RNF182: variants seen among roughly 807,000 people sequenced by gnomAD.
RNF182 encodes the protein ring finger protein 182.
Under a neutral mutation model 14.4 loss-of-function variants are expected in RNF182, and 15 were observed. The ratio of observed to expected loss-of-function variants is 1.04; its 90% CI spans 0.70 to 1.60. The LOEUF (loss-of-function observed/expected upper bound fraction) is 1.60, where lower values mean the gene tolerates loss of function less well. Among genes scored for constraint, RNF182 ranks in the 40% most tolerant of loss-of-function variants. The pLI is 0.00. For synonymous variants in RNF182, 128 were observed against 122.9 expected, an observed-to-expected ratio of 1.04 and a Z score of -0.27; for missense variants, 268 against 294.8, an observed-to-expected ratio of 0.91 and a Z score of 0.67.
At chr6:13,961,943 G>T (rs1185080250) in intron 1 of RNF182, among the ~76,000 whole-genome samples, 1 of 152,024 alleles carries the variant, frequency 6.6e-6, no homozygotes. Flanking sequence ...ATTCTTTTTA[G>T]GATTTTTGAG....
chr6:13,940,712 CAT>C (rs1488207102), intron 1 of RNF182, among the ~76,000 whole-genome samples: 1 of 152,158 alleles, frequency 6.6e-6, no homozygotes, highest in East Asian at 1.9e-4. Flanking sequence ...ACTTTTCTAA[CAT>C]ATGCATTCGA....
intron 1 of RNF182, among the ~76,000 whole-genome samples, chr6:13,970,981 G>A (rs983603019): frequency 7.9e-5 from 12 of 151,740 alleles, no homozygotes; most frequent in Admixed American, 2.6e-4. Context: ...TACAGAAGAC[G>A]TACTGTGTGA....
intron 1 of RNF182, among the ~76,000 whole-genome samples, chr6:13,936,810 G>T (rs1250425830): frequency 6.6e-6 from 1 of 152,174 alleles, no homozygotes; most frequent in Non-Finnish European, 1.5e-5. Context: ...GGCAAATATG[G>T]GACAGTTTGG....
At chr6:13,939,688 C>T (rs928562935) in intron 1 of RNF182, among the ~76,000 whole-genome samples, 12 of 151,996 alleles carry the variant, frequency 7.9e-5, no homozygotes, top group African/African-American at 1.2e-4. Flanking sequence ...GGACTACAGG[C>T]GCCTGCCACC....
chr6:13,942,336 C>A (rs1336842226), intron 1 of RNF182, among the ~76,000 whole-genome samples: 1 of 151,990 alleles, frequency 6.6e-6, no homozygotes, highest in Non-Finnish European at 1.5e-5. Context: ...TTAGAATATT[C>A]TTTAATTAAA....
upstream of RNF182, chr6:13,924,840 CG>C (rs892701386): frequency 8.7e-5 from 13 of 150,202 alleles, no homozygotes; most frequent in South Asian, 1.3e-3. Context: ...GGGGAAGGGC[CG>C]GGGGGGCCCC....
intron 1 of RNF182, among the ~76,000 whole-genome samples, chr6:13,950,001 T>G (rs1759546492): frequency 6.6e-6 from 1 of 152,224 alleles, no homozygotes; most frequent in Non-Finnish European, 1.5e-5. Flanking sequence ...GCTCAAATTT[T>G]TAGCTTTATT....
At position 13,977,961 on chromosome 6, in the gene RNF182, T is replaced by C; in HGVS notation, c.*98T>C. The C allele has an allele frequency of 7.8e-7, 1 of 1,278,704 alleles. No individual in the cohort carries two copies. Among genetic ancestry groups the C allele is most frequent in the South Asian group, 1.6e-5 (1 of 62,046 alleles). The allele number at this position is 1,278,704 out of a possible 1,614,324, so 79.2% of individuals were successfully genotyped here. A position where few individuals can be genotyped will look rare whatever the true frequency, so the allele number is the denominator to read the frequency against. On this transcript the variant is annotated 3_prime_UTR_variant, in exon 3 of 3. Coordinates refer to ENST00000488300, the MANE Select transcript of RNF182 (RefSeq NM_152737.4). ...TTTCTTTTATGTTCTTTATGATTAG[T>C]ATCCATGACATTAACAAAACCCTTG...
intron 1 of RNF182, among the ~76,000 whole-genome samples, chr6:13,927,726 G>A (rs1177862239): frequency 6.6e-6 from 1 of 152,192 alleles, no homozygotes; most frequent in Admixed American, 6.5e-5. Flanking sequence ...CTGTTTCTGG[G>A]TCAACATTCT....
chr6:13,930,448 T>C (rs1758939481), intron 1 of RNF182, among the ~76,000 whole-genome samples: 1 of 152,188 alleles, frequency 6.6e-6, no homozygotes, highest in Non-Finnish European at 1.5e-5. Context: ...CACGGGGTTA[T>C]CCTCAACCTG....
At chr6:13,965,204 A>G (rs183762056) in intron 1 of RNF182, among the ~76,000 whole-genome samples, 1 of 152,360 alleles carries the variant, frequency 6.6e-6, no homozygotes, top group East Asian at 1.9e-4. Context: ...CAAACATTTT[A>G]GTAAATGAAC....
intron 1 of RNF182, among the ~76,000 whole-genome samples, chr6:13,946,631 G>C (rs2113606661): frequency 6.6e-6 from 1 of 152,158 alleles, no homozygotes; most frequent in African/African-American, 2.4e-5. Context: ...AAAATGTCTA[G>C]CCTCCTGGGA....
chr6:13,963,469 T>C (rs771007372), intron 1 of RNF182, among the ~76,000 whole-genome samples: 22 of 152,242 alleles, frequency 1.4e-4, no homozygotes, highest in Non-Finnish European at 2.4e-4. Flanking sequence ...CTCAGCATTT[T>C]CTACTGGGCT....
intron 1 of RNF182, among the ~76,000 whole-genome samples, chr6:13,959,453 C>T (rs968131071): frequency 6.6e-6 from 1 of 152,160 alleles, no homozygotes; most frequent in Non-Finnish European, 1.5e-5. Context: ...ATCCCATTTA[C>T]ATTTTTAGAA....
intron 1 of RNF182, among the ~76,000 whole-genome samples, chr6:13,943,462 C>CT (rs1240080332): frequency 2.0e-5 from 3 of 151,882 alleles, no homozygotes; most frequent in Non-Finnish European, 4.4e-5. Context: ...AATGGACTTT[C>CT]TTTTTTTAAC....
chr6:13,937,884 C>T (rs1190840218), intron 1 of RNF182, among the ~76,000 whole-genome samples: 1 of 151,652 alleles, frequency 6.6e-6, no homozygotes, highest in Non-Finnish European at 1.5e-5. Context: ...TTTATTTGTA[C>T]TTTCCTAATA....
chr6:13,971,007 T>C (rs1324926295), intron 1 of RNF182, among the ~76,000 whole-genome samples: 1 of 152,096 alleles, frequency 6.6e-6, no homozygotes. Flanking sequence ...TAGCACAAAA[T>C]GAACACTTGT....
At chr6:13,944,153 G>T (rs1416278933) in intron 1 of RNF182, among the ~76,000 whole-genome samples, 1 of 152,162 alleles carries the variant, frequency 6.6e-6, no homozygotes, top group East Asian at 1.9e-4. Flanking sequence ...CTGTTTCTGG[G>T]TGGTAGAGGA....
chr6:13,941,044 T>C (rs1759285913), intron 1 of RNF182, among the ~76,000 whole-genome samples: 1 of 151,998 alleles, frequency 6.6e-6, no homozygotes, highest in African/African-American at 2.4e-5. Context: ...AATCAATCTG[T>C]AGTTGTAATT....
Sources: gnomAD v4.1 joint callset for allele counts (sites outside exome capture counted in the v4.1 genomes callset) on GRCh38, gnomAD v4.1.1 for gene constraint, MANE v1.5 for transcripts, NCBI Gene and HGNC (gene_info 2026-07-23, HGNC 2026-07-21) for gene names.